The following NECAB1 variants were observed in gnomAD, a reference collection of about 807,000 sequenced individuals.
NECAB1 encodes the protein N-terminal EF-hand calcium binding protein 1, also known as N-terminal EF-hand calcium-binding protein 1.
Under a neutral mutation model 57.5 loss-of-function variants are expected in NECAB1, and 29 were observed. The ratio of observed to expected loss-of-function variants is 0.50; its 90% CI spans 0.38 to 0.69. The LOEUF (loss-of-function observed/expected upper bound fraction) is 0.69. Ranked by LOEUF, NECAB1 falls within the 30% of genes least tolerant of loss-of-function variation. The probability of loss-of-function intolerance (pLI) is 0.00; values close to 1 mark genes in which losing one functional copy is unlikely to be tolerated. For missense variants in NECAB1, 372 were observed against 413.8 expected (o/e 0.90, Z 0.88); for synonymous variants, 142 against 147.7 (o/e 0.96, Z 0.28).
At chr8:90,848,532 A>C (rs1202393158) in intron 3 of NECAB1, among the ~76,000 whole-genome samples, 1 of 152,206 alleles carries the variant, frequency 6.6e-6, no homozygotes, top group Admixed American at 6.5e-5. Flanking sequence ...AGAAATACCC[A>C]AGACTGGGTA....
chr8:90,900,667 A>G (rs111970025), intron 5 of NECAB1, among the ~76,000 whole-genome samples: 76 of 152,342 alleles, frequency 5.0e-4, no homozygotes, highest in African/African-American at 1.6e-3. Context: ...GACTATCACT[A>G]TAACCTTCCA....
intron 8 of NECAB1, among the ~76,000 whole-genome samples, chr8:90,930,652 T>C (rs1341633644): frequency 6.6e-6 from 1 of 152,240 alleles, no homozygotes; most frequent in Non-Finnish European, 1.5e-5. Flanking sequence ...CCCTCTGCCA[T>C]GGTGCCTTTA....
intron 3 of NECAB1, among the ~76,000 whole-genome samples, chr8:90,861,621 A>T (rs1808383556): frequency 6.6e-6 from 1 of 152,158 alleles, no homozygotes; most frequent in Non-Finnish European, 1.5e-5. Context: ...TGTCTCTTGG[A>T]ATAAGAGCTA....
chr8:90,879,500 C>T (rs117796988), intron 4 of NECAB1, among the ~76,000 whole-genome samples: 1 of 152,080 alleles, frequency 6.6e-6, no homozygotes, highest in African/African-American at 2.4e-5. Context: ...CTGTCACAAT[C>T]CTCTTTGAGG....
rs1809987387 is a variant in NECAB1, at chr8:90,917,628, G to A, written c.494G>A (p.Arg165Lys). The change falls in exon 6 of 13, where the codon AGG (arginine) becomes AAG (lysine). Residue 165 changes from arginine to lysine, a missense_variant and splice_region_variant. Transcript: ENST00000417640. ...ETTEEQTRQERQGPAKPEVLS... is the reference protein window; with the variant it reads ...ETTEEQTRQEKQGPAKPEVLS... The stretch of plus-strand genomic sequence containing the variant: ...ACTGAGGAGCAAACCCGTCAAGAAA[G>A]GCAATTTACATGTTTTCATCTGATG... The A allele has an allele frequency of 1.2e-6, 2 of 1,605,600 alleles. No individual in the cohort carries two copies.
intron 12 of NECAB1, among the ~76,000 whole-genome samples, chr8:90,951,591 A>G (rs1206799150): frequency 5.3e-5 from 8 of 152,184 alleles, no homozygotes; most frequent in African/African-American, 1.7e-4. Context: ...CTGAGTATTA[A>G]TATGTGCTAG....
intron 5 of NECAB1, among the ~76,000 whole-genome samples, chr8:90,908,619 C>T (rs919694054): frequency 2.6e-5 from 4 of 152,126 alleles, no homozygotes; most frequent in Admixed American, 2.6e-4. Flanking sequence ...CTGGTTCCTA[C>T]ACATACCTTA....
At chr8:90,849,518 C>G (rs1431814139) in intron 3 of NECAB1, among the ~76,000 whole-genome samples, 2 of 144,746 alleles carry the variant, frequency 1.4e-5, no homozygotes, top group East Asian at 4.0e-4. Flanking sequence ...TTGCCATGTC[C>G]TACTCATTTG....
intron 8 of NECAB1, among the ~76,000 whole-genome samples, chr8:90,933,333 C>T (rs1810454307): frequency 6.6e-6 from 1 of 152,086 alleles, no homozygotes; most frequent in African/African-American, 2.4e-5. Flanking sequence ...ACCCAAATGC[C>T]CGCCAATCAA....
intron 3 of NECAB1, among the ~76,000 whole-genome samples, chr8:90,832,867 T>C (rs1158979531): frequency 1.3e-5 from 2 of 152,112 alleles, no homozygotes; most frequent in Non-Finnish European, 2.9e-5. Flanking sequence ...CTCAATAAAA[T>C]TTCATGTTTT....
intron 4 of NECAB1, among the ~76,000 whole-genome samples, chr8:90,875,762 C>T (rs1392543641): frequency 6.6e-6 from 1 of 150,582 alleles, no homozygotes; most frequent in Non-Finnish European, 1.5e-5. Context: ...CCTGTAATCC[C>T]AGCACTTTGG....
At chr8:90,852,219 T>C (rs958125867) in intron 3 of NECAB1, among the ~76,000 whole-genome samples, 1 of 152,198 alleles carries the variant, frequency 6.6e-6, no homozygotes, top group Non-Finnish European at 1.5e-5. Context: ...ATTCCTACTT[T>C]GTACAAAGTA....
In NECAB1 at chr8:90,916,378, A is replaced by G. The variant is rs371933377; in HGVS notation, c.358-1114A>G. ...GAATGTATGCCAGAGTTACTTAGTG[A>G]TTTATAAGTGGGAAAACTGAGAACC... On this transcript the variant is annotated intron_variant, in intron 5 of 12. Transcript: ENST00000417640. Among the ~76,000 whole-genome samples the G allele has an allele frequency of 2.0e-5, 3 of 152,132 alleles. No individual in the cohort carries two copies. In the South Asian group the frequency reaches 6.2e-4, roughly 31 times the overall value.
chr8:90,829,148 T>C (rs1290461985), intron 3 of NECAB1, among the ~76,000 whole-genome samples: 1 of 152,036 alleles, frequency 6.6e-6, no homozygotes, highest in African/African-American at 2.4e-5. Context: ...AAAGTTACTC[T>C]TCAGAAAAGA....
intron 3 of NECAB1, among the ~76,000 whole-genome samples, chr8:90,845,465 C>T (rs892555422): frequency 1.3e-5 from 2 of 152,122 alleles, no homozygotes; most frequent in Admixed American, 6.5e-5. Flanking sequence ...ATTAGAACTA[C>T]CCAGTATGCT....
intron 2 of NECAB1, among the ~76,000 whole-genome samples, chr8:90,807,944 T>C (rs1811882146): frequency 6.6e-6 from 1 of 152,186 alleles, no homozygotes; most frequent in African/African-American, 2.4e-5. Flanking sequence ...GAGAAACCCA[T>C]GAGTGCAAGT....
intron 3 of NECAB1, 177 bp downstream of exon 3, chr8:90,825,002 G>A (rs1005934040): frequency 2.7e-6 from 1 of 368,854 alleles, no homozygotes; most frequent in Non-Finnish European, 4.9e-6. Flanking sequence ...AATTGACTTT[G>A]AATCAGAAAA....
chr8:90,828,972 T>C lies in NECAB1; in HGVS notation c.233+4147T>C, dbSNP rs537561569. ...TATAAAACTTTCATAATTTCCCAGA[T>C]TTTTGTCAAGCCTCATTTTAACTGT... On this transcript the variant is annotated intron_variant, in intron 3 of 12. Coordinates refer to ENST00000417640, the MANE Select transcript of NECAB1 (RefSeq NM_022351.5). Among the ~76,000 whole-genome samples the C allele has an allele frequency of 2.0e-5, 3 of 152,198 alleles. No individual in the cohort carries two copies. The South Asian group carries it at 6.2e-4, about 31-fold the overall frequency.
At chr8:90,831,394 T>C (rs1812297291) in intron 3 of NECAB1, among the ~76,000 whole-genome samples, 1 of 152,148 alleles carries the variant, frequency 6.6e-6, no homozygotes, top group African/African-American at 2.4e-5. Context: ...AATAACTGCT[T>C]ATTCAGCCTC....
Sources: gnomAD v4.1 joint callset for allele counts (sites outside exome capture counted in the v4.1 genomes callset) on GRCh38, gnomAD v4.1.1 for gene constraint, MANE v1.5 for transcripts, NCBI Gene and HGNC (gene_info 2026-07-23, HGNC 2026-07-21) for gene names.